APPBP2: variants seen among roughly 807,000 people sequenced by gnomAD.
APPBP2 encodes the protein amyloid protein-binding protein 2.
APPBP2 carries 15 observed loss-of-function variants against 76.0 expected under a neutral mutation model. The observed-to-expected ratio is 0.20, with a 90% CI of 0.13 to 0.30. The LOEUF is 0.30. Ranked by LOEUF, APPBP2 falls within the 10% of genes least tolerant of loss-of-function variation. The pLI, the probability that APPBP2 is intolerant of heterozygous loss-of-function variation, is 1.00. For missense variants in APPBP2, 401 were observed against 687.2 expected, an observed-to-expected ratio of 0.58 and a Z score of 4.66; for synonymous variants, 222 against 242.2, an observed-to-expected ratio of 0.92 and a Z score of 0.77.
intron 4 of APPBP2, among the ~76,000 whole-genome samples, chr17:60,473,808 C>T (rs2090570139): frequency 6.6e-6 from 1 of 152,210 alleles, no homozygotes; most frequent in South Asian, 2.1e-4. Context: ...TTAGCTTCAT[C>T]ATCACCATAG....
intron 12 of APPBP2, among the ~76,000 whole-genome samples, chr17:60,449,816 G>A (rs556206420): frequency 1.3e-5 from 2 of 150,716 alleles, no homozygotes; most frequent in East Asian, 3.9e-4. Flanking sequence ...TTTTTTTTTG[G>A]AGACGTAGTC....
chr17:60,459,848 C>T (rs1331527787), intron 9 of APPBP2: 2 of 152,186 alleles, frequency 1.3e-5, no homozygotes, highest in East Asian at 3.8e-4. Flanking sequence ...TCCCAGCCTC[C>T]TATAGGCTGT....
intron 1 of APPBP2, among the ~76,000 whole-genome samples, chr17:60,507,226 CTTTTTTT>C (rs72163217): frequency 2.1e-5 from 3 of 141,238 alleles, no homozygotes; most frequent in Admixed American, 7.0e-5. Flanking sequence ...TTTCTTTTTT[CTTTTTTT>C]TTTTTTGAGA....
Position 60,504,033 on chromosome 17 carries a change from G to A in APPBP2, c.139-3546C>T, listed in dbSNP as rs770165373. On this transcript the variant is annotated intron_variant, in intron 1 of 12. Coordinates refer to ENST00000083182, the MANE Select transcript of APPBP2 (RefSeq NM_006380.5). ...TTATAGAAATGATGGAAGATTTAAAGGTTAATCCCCTCATAGATTCAAACA... is the reference window on the plus strand; with the variant it reads ...TTATAGAAATGATGGAAGATTTAAAAGTTAATCCCCTCATAGATTCAAACA... 9.2e-5 allele frequency among the ~76,000 whole-genome samples: 14 copies of A among 152,228 alleles called. No individual in the cohort carries two copies. The South Asian group carries it at 1.5e-3, about 16-fold the overall frequency.
Position 60,513,328 on chromosome 17 carries a change from T to A in APPBP2, c.138+12466A>T, listed in dbSNP as rs2090934377. On this transcript the variant is annotated intron_variant, in intron 1 of 12. Transcript: ENST00000083182. Reference sequence around the variant, plus strand: ...TATGGACCTATTCATCAAATCAGAGTGGAAAACACACCTGAAACTAGAGGA... The same window carrying A: ...TATGGACCTATTCATCAAATCAGAGAGGAAAACACACCTGAAACTAGAGGA... The A allele has an allele frequency of 8.5e-6, 5 of 591,268 alleles. No individual in the cohort carries two copies. The South Asian group carries it at 9.9e-5, about 12-fold the overall frequency. The allele number at this position is 591,268 out of a possible 1,614,324, so 36.6% of individuals were successfully genotyped here.
intron 3 of APPBP2, among the ~76,000 whole-genome samples, chr17:60,488,695 G>C (rs190685106): frequency 6.6e-5 from 10 of 152,214 alleles, no homozygotes; most frequent in African/African-American, 2.4e-4. Context: ...ATCTAGTTGG[G>C]TCATTATAAT....
At chr17:60,504,446 T>A (rs1478611786) in intron 1 of APPBP2, among the ~76,000 whole-genome samples, 1 of 152,104 alleles carries the variant, frequency 6.6e-6, no homozygotes, top group African/African-American at 2.4e-5. Flanking sequence ...AATTACTTAA[T>A]AAAGAGTGCA....
chr17:60,492,679 T>C (rs1040132663), intron 3 of APPBP2, among the ~76,000 whole-genome samples: 35 of 152,288 alleles, frequency 2.3e-4, no homozygotes, highest in African/African-American at 8.4e-4. Flanking sequence ...TTTGGAATGG[T>C]TGTATTTATC....
chr17:60,473,083 A>G (rs1488453121), intron 4 of APPBP2, among the ~76,000 whole-genome samples: 2 of 152,146 alleles, frequency 1.3e-5, no homozygotes, highest in Non-Finnish European at 2.9e-5. Context: ...GCCCATTTAC[A>G]TGTATTGTGA....
intron 4 of APPBP2, chr17:60,468,422 A>C (rs927516356): frequency 2.2e-4 from 33 of 152,228 alleles, no homozygotes; most frequent in Non-Finnish European, 2.8e-4. Flanking sequence ...TTAGAGAATA[A>C]AAAGAACAGT....
intron 9 of APPBP2, 111 bp downstream of exon 9, chr17:60,460,552 T>A: frequency 9.2e-7 from 1 of 1,084,136 alleles, no homozygotes; most frequent in Non-Finnish European, 1.3e-6. Context: ...GTTCAATCCA[T>A]AAAGTATATC....
rs1385621772 is a variant in APPBP2 at position 60,466,363 on chromosome 17, G to A, written c.600C>T (p.Gly200=). The part of the protein sequence containing the change: ...QTYMDKLSKH[G]QQANKAALYG... ...AGAGTGCAGCTTTATTTGCTTGCTG[G>A]CCATGTTTTGATAGTTTATCCATAT... Residue 200 remains glycine (G), a synonymous_variant, in exon 5 of 13, where the codon GGC becomes GGT. Transcript: ENST00000083182. 1 of 1,613,828 alleles carries A rather than the reference G, an allele frequency of 6.2e-7. No homozygotes were observed. The highest frequency in any genetic ancestry group is 1.7e-5 in the Admixed American group (1 of 59,986).
intron 1 of APPBP2, among the ~76,000 whole-genome samples, chr17:60,503,791 T>C (rs779405935): frequency 2.9e-4 from 42 of 146,992 alleles, no homozygotes; most frequent in Non-Finnish European, 5.3e-4. Context: ...GTGCTTTTCA[T>C]AAATTATTCA....
intron 9 of APPBP2, among the ~76,000 whole-genome samples, chr17:60,457,193 T>C (rs1336144193): frequency 1.3e-5 from 2 of 151,892 alleles, no homozygotes; most frequent in South Asian, 4.2e-4. Flanking sequence ...CTTCACAACA[T>C]GTATTCTTGC....
intron 8 of APPBP2, 44 bp from the exon 9 acceptor site, chr17:60,460,831 C>G (rs1223197958): frequency 6.3e-7 from 1 of 1,577,478 alleles, no homozygotes; most frequent in South Asian, 1.2e-5. Flanking sequence ...TAGAAAATAC[C>G]ACCTAGTTAA....
At chr17:60,450,461 T>G (rs1016233517) in intron 12 of APPBP2, among the ~76,000 whole-genome samples, 1 of 141,502 alleles carries the variant, frequency 7.1e-6, no homozygotes, top group Non-Finnish European at 1.5e-5. Flanking sequence ...AAGAAAATAC[T>G]GATGCATCTG....
At chr17:60,471,571 A>G (rs1273164525) in intron 4 of APPBP2, among the ~76,000 whole-genome samples, 2 of 151,000 alleles carry the variant, frequency 1.3e-5, no homozygotes, top group Non-Finnish European at 2.9e-5. Flanking sequence ...GTCAACTGAG[A>G]TAACTGGGTT....
In APPBP2 at chr17:60,461,980, T is replaced by C. The variant is rs748187350; in HGVS notation, c.830+14A>G. 1.2e-6 allele frequency: 2 copies of C among 1,611,300 alleles called. No individual in the cohort carries two copies. The highest frequency in any genetic ancestry group is 2.2e-5 in the East Asian group (1 of 44,774). On this transcript the variant is annotated intron_variant, in intron 7 of 12. Coordinates refer to ENST00000083182, the MANE Select transcript of APPBP2 (RefSeq NM_006380.5). ...AGACAATTTAAAAGGATATTTTTAA[T>C]AATAATCACCTACCGTGCCAAATAC...
Position 60,525,962 on chromosome 17 carries a change from C to T in APPBP2, c.-31G>A. ...TTCCCTCCTCCTCCGCCTCCTCCGC[C>T]TCCTCCTCCCGAAGGCCCCCACCTC... On this transcript the variant is annotated 5_prime_UTR_variant, in exon 1 of 13. Transcript: ENST00000083182. The T allele has an allele frequency of 6.4e-7, 1 of 1,557,316 alleles. No individual in the cohort carries two copies. The highest frequency in any genetic ancestry group is 8.7e-7 in the Non-Finnish European group (1 of 1,149,206).
Sources: gnomAD v4.1 joint callset for allele counts (sites outside exome capture counted in the v4.1 genomes callset) on GRCh38, gnomAD v4.1.1 for gene constraint, MANE v1.5 for transcripts, NCBI Gene and HGNC (gene_info 2026-07-23, HGNC 2026-07-21) for gene names.